VSNL1: variants seen among roughly 807,000 people sequenced by gnomAD.
The protein encoded by VSNL1 is visinin like 1, also known as visinin-like protein 1.
Under a neutral mutation model 20.4 loss-of-function variants are expected in VSNL1, and 6 were observed. The ratio of observed to expected loss-of-function variants is 0.29; its 90% CI spans 0.16 to 0.58. VSNL1 has a LOEUF of 0.58. Ranked by LOEUF, VSNL1 falls within the 20% of genes least tolerant of loss-of-function variation. The probability of loss-of-function intolerance (pLI) is 0.90; values close to 1 mark genes in which losing one functional copy is unlikely to be tolerated. For missense variants in VSNL1, 100 were observed against 234.5 expected, an observed-to-expected ratio of 0.43 and a Z score of 3.75; for synonymous variants, 93 against 86.4, an observed-to-expected ratio of 1.08 and a Z score of -0.42.
chr2:17,648,480 T>C (rs111882541), intron 2 of VSNL1, among the ~76,000 whole-genome samples: 11 of 152,386 alleles, frequency 7.2e-5, no homozygotes, highest in African/African-American at 2.2e-4. Context: ...TAATCTTCTA[T>C]AGACCTTGTA....
intron 1 of VSNL1, among the ~76,000 whole-genome samples, chr2:17,563,165 A>G (rs1356448154): frequency 6.6e-6 from 1 of 152,246 alleles, no homozygotes; most frequent in East Asian, 1.9e-4. Flanking sequence ...GGAGAAGGGA[A>G]ATTACTTCAT....
chr2:17,557,925 G>C (rs1244363555), intron 1 of VSNL1, among the ~76,000 whole-genome samples: 1 of 151,560 alleles, frequency 6.6e-6, no homozygotes, highest in East Asian at 1.9e-4. Flanking sequence ...CATTAGATAC[G>C]CCCAAGTGCT....
intron 1 of VSNL1, among the ~76,000 whole-genome samples, chr2:17,555,050 T>C (rs991763457): frequency 2.0e-5 from 3 of 152,208 alleles, no homozygotes; most frequent in Non-Finnish European, 2.9e-5. Flanking sequence ...AAAATCTTTG[T>C]GCACATAACT....
chr2:17,577,835 C>CT (rs1303645094), intron 1 of VSNL1, among the ~76,000 whole-genome samples: 1 of 152,140 alleles, frequency 6.6e-6, no homozygotes, highest in East Asian at 1.9e-4. Context: ...CAGAAAAGTA[C>CT]TTTTTTGTTT....
At chr2:17,625,255 A>T (rs1572206864) in intron 2 of VSNL1, among the ~76,000 whole-genome samples, 1 of 152,172 alleles carries the variant, frequency 6.6e-6, no homozygotes, top group Non-Finnish European at 1.5e-5. Flanking sequence ...TAAATTGCCC[A>T]GTCTCGAGTA....
chr2:17,617,828 T>C (rs1665250912), intron 2 of VSNL1, among the ~76,000 whole-genome samples: 1 of 150,952 alleles, frequency 6.6e-6, no homozygotes, highest in African/African-American at 2.4e-5. Context: ...GCCCCCATCA[T>C]GTGGCACTTT....
intron 1 of VSNL1, among the ~76,000 whole-genome samples, chr2:17,588,778 A>G (rs1173280422): frequency 6.6e-6 from 1 of 152,182 alleles, no homozygotes; most frequent in Admixed American, 6.5e-5. Context: ...TATTTCTCCC[A>G]TCTGCCAACT....
intron 1 of VSNL1, among the ~76,000 whole-genome samples, chr2:17,588,299 T>C (rs1664523620): frequency 6.6e-6 from 1 of 152,170 alleles, no homozygotes; most frequent in South Asian, 2.1e-4. Context: ...AAAACCTATG[T>C]GGGAAATCAG....
At chr2:17,632,483 T>C (rs138048866) in intron 2 of VSNL1, among the ~76,000 whole-genome samples, 1,776 of 152,070 alleles carry the variant, frequency 0.012, 30 homozygotes, top group African/African-American at 0.041. Context: ...GTATTTTTAG[T>C]AGAGATGGAG....
At chr2:17,608,049 G>C (rs1255328278) in intron 2 of VSNL1, among the ~76,000 whole-genome samples, 1 of 152,188 alleles carries the variant, frequency 6.6e-6, no homozygotes, top group Non-Finnish European at 1.5e-5. Context: ...TTTTCCCAAA[G>C]AGGAAATGAA....
intron 1 of VSNL1, among the ~76,000 whole-genome samples, chr2:17,591,533 G>C (rs2103375553): frequency 6.6e-6 from 1 of 152,244 alleles, no homozygotes; most frequent in South Asian, 2.1e-4. Flanking sequence ...AATAGAAATA[G>C]CTGTTTTTAT....
At chr2:17,557,825 G>A (rs1663722602) in intron 1 of VSNL1, among the ~76,000 whole-genome samples, 1 of 152,158 alleles carries the variant, frequency 6.6e-6, no homozygotes, top group Non-Finnish European at 1.5e-5. Flanking sequence ...TCCCTGGGAC[G>A]GTTTCCAGAT....
chr2:17,562,297 G>T lies in VSNL1; in HGVS notation c.-6+21379G>T, dbSNP rs552497119. ...CAATATGTGAAAGAAACCCTATTCA[G>T]TTTCCAAAGCTTAGTGTTCATTTGC... On this transcript the variant is annotated intron_variant, in intron 1 of 3. Transcript: ENST00000295156. 2.0e-5 allele frequency among the ~76,000 whole-genome samples: 3 copies of T among 152,264 alleles called. No homozygotes were observed. In the East Asian group the frequency reaches 5.8e-4, roughly 29 times the overall value.
At chr2:17,584,675 A>G (rs191374084) in intron 1 of VSNL1, among the ~76,000 whole-genome samples, 1 of 152,216 alleles carries the variant, frequency 6.6e-6, no homozygotes, top group East Asian at 1.9e-4. Context: ...GGGCAGGCCT[A>G]AGGAGGGAGT....
intron 2 of VSNL1, among the ~76,000 whole-genome samples, chr2:17,592,872 A>G (rs1033912930): frequency 6.6e-6 from 1 of 151,970 alleles, no homozygotes; most frequent in Non-Finnish European, 1.5e-5. Flanking sequence ...AAAAGGTACA[A>G]TTTCTACTGC....
intron 2 of VSNL1, among the ~76,000 whole-genome samples, chr2:17,637,776 G>A (rs1665789435): frequency 6.6e-6 from 1 of 152,224 alleles, no homozygotes; most frequent in African/African-American, 2.4e-5. Context: ...TGAGAGCAGG[G>A]CACTGTGTCT....
chr2:17,602,481 G>A (rs1664842478), intron 2 of VSNL1, among the ~76,000 whole-genome samples: 2 of 152,144 alleles, frequency 1.3e-5, no homozygotes, highest in African/African-American at 4.8e-5. Context: ...GGTGGCTCAC[G>A]CCTGTAATCC....
chr2:17,606,087 C>T (rs1288540467), intron 2 of VSNL1, among the ~76,000 whole-genome samples: 1 of 152,156 alleles, frequency 6.6e-6, no homozygotes, highest in East Asian at 1.9e-4. Context: ...GTAACTATCC[C>T]AAGGTCACAC....
intron 2 of VSNL1, among the ~76,000 whole-genome samples, chr2:17,641,408 A>G (rs2114352): frequency 0.27 from 40,718 of 152,146 alleles, 6,985 homozygotes; most frequent in Middle Eastern, 0.47. Context: ...CAATCTTTCC[A>G]GTCTAGCAGA....
Sources: gnomAD v4.1 joint callset for allele counts (sites outside exome capture counted in the v4.1 genomes callset) on GRCh38, gnomAD v4.1.1 for gene constraint, MANE v1.5 for transcripts, NCBI Gene and HGNC (gene_info 2026-07-23, HGNC 2026-07-21) for gene names.